The following PDE4B variants were observed in gnomAD, a reference collection of about 807,000 sequenced individuals.
PDE4B encodes 3',5'-cyclic-AMP phosphodiesterase 4B.
PDE4B carries 20 observed loss-of-function variants against 82.2 expected under a neutral mutation model. That is an observed-to-expected ratio of 0.24 (90% CI 0.17 to 0.35). PDE4B has a LOEUF of 0.35. PDE4B is among the 10% of genes least tolerant of loss of function. The probability of loss-of-function intolerance (pLI) is 1.00; values close to 1 mark genes in which losing one functional copy is unlikely to be tolerated. For missense variants in PDE4B, 655 were observed against 907.2 expected, an observed-to-expected ratio of 0.72 and a Z score of 3.57; for synonymous variants, 320 against 318.9, an observed-to-expected ratio of 1.00 and a Z score of -0.04.
intron 3 of PDE4B, among the ~76,000 whole-genome samples, chr1:66,200,608 A>G (rs1365078709): frequency 1.3e-5 from 2 of 152,216 alleles, no homozygotes; most frequent in African/African-American, 2.4e-5. Flanking sequence ...CTTTGAAGCA[A>G]TTGTGAATGG....
chr1:66,068,461 C>A (rs758319289), intron 3 of PDE4B, among the ~76,000 whole-genome samples: 7 of 151,688 alleles, frequency 4.6e-5, no homozygotes, highest in Non-Finnish European at 1.0e-4. Flanking sequence ...TGCAGTGAAC[C>A]CCTACCCATT....
chr1:66,349,337 G>A (rs912497717), intron 8 of PDE4B, among the ~76,000 whole-genome samples: 15 of 151,952 alleles, frequency 9.9e-5, no homozygotes, highest in Admixed American at 2.0e-4. Flanking sequence ...CTTGTTTTTC[G>A]TTGTATACTT....
At chr1:65,819,301 A>G (rs922951490) in intron 1 of PDE4B, among the ~76,000 whole-genome samples, 2 of 152,136 alleles carry the variant, frequency 1.3e-5, no homozygotes, top group Non-Finnish European at 2.9e-5. Flanking sequence ...TACATATCCA[A>G]TACCCTATGC....
At chr1:65,920,446 G>A (rs1647216157) in intron 3 of PDE4B, among the ~76,000 whole-genome samples, 1 of 152,154 alleles carries the variant, frequency 6.6e-6, no homozygotes, top group Non-Finnish European at 1.5e-5. Flanking sequence ...TGTAAAGTTT[G>A]AGTTCATTTA....
At chr1:66,101,615 C>T (rs1055216231) in intron 3 of PDE4B, among the ~76,000 whole-genome samples, 5 of 152,162 alleles carry the variant, frequency 3.3e-5, no homozygotes, top group Non-Finnish European at 5.9e-5. Context: ...TGTCTGTTGG[C>T]TGCATAAATG....
chr1:66,337,748 C>G (rs1421885039), intron 8 of PDE4B, among the ~76,000 whole-genome samples: 1 of 152,150 alleles, frequency 6.6e-6, no homozygotes, highest in Non-Finnish European at 1.5e-5. Context: ...AGAGGTGACC[C>G]TGGATTAGAG....
chr1:66,326,567 T>C (rs755849970), intron 7 of PDE4B, among the ~76,000 whole-genome samples: 1 of 152,224 alleles, frequency 6.6e-6, no homozygotes, highest in Admixed American at 6.5e-5. Context: ...ATTGGTCCAA[T>C]TGTTTTAGCC....
chr1:66,066,334 T>C (rs949009624), intron 3 of PDE4B, among the ~76,000 whole-genome samples: 23 of 151,940 alleles, frequency 1.5e-4, no homozygotes, highest in African/African-American at 4.6e-4. Context: ...GTCATGTAGA[T>C]ACAGAAAAAG....
At chr1:65,868,886 A>G (rs1646542523) in intron 1 of PDE4B, among the ~76,000 whole-genome samples, 1 of 152,176 alleles carries the variant, frequency 6.6e-6, no homozygotes, top group Admixed American at 6.5e-5. Context: ...ATGCCTGATG[A>G]TCTGATGTGG....
chr1:66,138,270 A>G (rs1036404019), intron 3 of PDE4B, among the ~76,000 whole-genome samples: 2 of 152,142 alleles, frequency 1.3e-5, no homozygotes, highest in African/African-American at 4.8e-5. Flanking sequence ...TGTAATCCCA[A>G]CACTTTGGGA....
chr1:66,246,324 G>A (rs191791138), intron 3 of PDE4B, among the ~76,000 whole-genome samples: 114 of 152,332 alleles, frequency 7.5e-4, no homozygotes, highest in Non-Finnish European at 1.5e-5. Flanking sequence ...AAGTGAGCTG[G>A]TTGTAAGAAC....
In PDE4B at chr1:66,361,599, C is replaced by A; in HGVS notation, c.842-16C>A. The A allele has an allele frequency of 1.2e-6, 2 of 1,601,824 alleles. No individual in the cohort carries two copies. Among genetic ancestry groups the A allele is most frequent in the Non-Finnish European group, 1.7e-6 (2 of 1,172,958 alleles). On this transcript the variant is annotated splice_polypyrimidine_tract_variant and intron_variant, in intron 9 of 16. Transcript: ENST00000341517. ...AGACACATGTGCTGAAAAACATATT[C>A]CTTTGTCTGTTGCAGACAAGCAGAA...
intron 3 of PDE4B, among the ~76,000 whole-genome samples, chr1:65,998,547 T>C (rs1651682243): frequency 6.6e-6 from 1 of 152,106 alleles, no homozygotes. Flanking sequence ...AAAGGGACAA[T>C]GTGCATTTGA....
chr1:66,172,129 G>A (rs1646849079), intron 3 of PDE4B, among the ~76,000 whole-genome samples: 1 of 152,060 alleles, frequency 6.6e-6, no homozygotes, highest in South Asian at 2.1e-4. Context: ...AGTCTACGGT[G>A]TTTATTATTC....
chr1:66,332,684 CCT>C (rs1660215687), intron 8 of PDE4B, 64 bp downstream of exon 8: 3 of 1,365,654 alleles, frequency 2.2e-6, no homozygotes, highest in Non-Finnish European at 3.1e-6. Flanking sequence ...TCCCCTCACC[CCT>C]GTCTGCAGCA....
chr1:65,929,222 C>T (rs1205463054), intron 3 of PDE4B, among the ~76,000 whole-genome samples: 1 of 152,170 alleles, frequency 6.6e-6, no homozygotes, highest in Non-Finnish European at 1.5e-5. Flanking sequence ...ATCACTGTTG[C>T]CTCAGGCGGC....
At chr1:66,329,668 T>C (rs571720351) in intron 7 of PDE4B, among the ~76,000 whole-genome samples, 5 of 152,344 alleles carry the variant, frequency 3.3e-5, no homozygotes, top group African/African-American at 1.2e-4. Context: ...TACTAAGAAC[T>C]GGCTACCATC....
At chr1:66,235,777 A>G (rs939592868) in intron 3 of PDE4B, among the ~76,000 whole-genome samples, 8 of 152,220 alleles carry the variant, frequency 5.3e-5, no homozygotes, top group Admixed American at 2.0e-4. Flanking sequence ...GTTGAAAAAA[A>G]ATGTTTAGAC....
chr1:66,089,724 G>A (rs1388357694), intron 3 of PDE4B, among the ~76,000 whole-genome samples: 2 of 151,868 alleles, frequency 1.3e-5, no homozygotes, highest in African/African-American at 4.8e-5. Flanking sequence ...TTTGTTTTGT[G>A]GTATGTTGGC....
Sources: allele counts gnomAD v4.1 joint callset (sites outside exome capture counted in the v4.1 genomes callset), GRCh38; gene constraint gnomAD v4.1.1; transcripts MANE v1.5; gene names NCBI Gene and HGNC (gene_info 2026-07-23, HGNC 2026-07-21).